The following MPPED2 variants were observed in gnomAD, a reference collection of about 807,000 sequenced individuals.
MPPED2 encodes metallophosphoesterase domain containing 2, also known as metallophosphoesterase MPPED2.
MPPED2 carries 5 observed loss-of-function variants against 33.0 expected under a neutral mutation model. The observed-to-expected ratio is 0.15, with a 90% CI of 0.08 to 0.32. The LOEUF is 0.32. Ranked by LOEUF, MPPED2 falls within the 10% of genes least tolerant of loss-of-function variation. The pLI, the probability that MPPED2 is intolerant of heterozygous loss-of-function variation, is 1.00. For synonymous variants in MPPED2, 136 were observed against 141.9 expected (o/e 0.96, Z 0.29); for missense variants, 275 against 372.1 (o/e 0.74, Z 2.15).
chr11:30,585,159 T>C (rs1957400643), intron 1 of MPPED2, among the ~76,000 whole-genome samples: 1 of 152,102 alleles, frequency 6.6e-6, no homozygotes, highest in Non-Finnish European at 1.5e-5. Context: ...AAAGATAACC[T>C]TGTTATACGT....
upstream of MPPED2, among the ~76,000 whole-genome samples, chr11:30,586,483 G>T (rs936149381): frequency 6.6e-6 from 1 of 151,926 alleles, no homozygotes; most frequent in Non-Finnish European, 1.5e-5. This position sits in a 1 kb window ranked among gnomAD's most constrained non-coding sequence, Gnocchi z 4.8. Context: ...CTGCCCACTC[G>T]GACCCCCACC....
At chr11:30,449,593 T>C (rs1416195466) in intron 4 of MPPED2, among the ~76,000 whole-genome samples, 4 of 151,062 alleles carry the variant, frequency 2.6e-5, no homozygotes, top group South Asian at 2.1e-4. Flanking sequence ...CAGTGAGCTA[T>C]GATCATGCCA....
chr11:30,586,449 C>T (rs943445644), upstream of MPPED2, among the ~76,000 whole-genome samples: 1 of 152,030 alleles, frequency 6.6e-6, no homozygotes, highest in Non-Finnish European at 1.5e-5. This position sits in a 1 kb window ranked among gnomAD's most constrained non-coding sequence, Gnocchi z 4.8. Flanking sequence ...GACCCCGCGC[C>T]CCTGCACGCC....
At chr11:30,387,683 T>G in exon 7 of MPPED2, 1 of 152,260 alleles carries the variant, frequency 6.6e-6, no homozygotes, top group African/African-American at 2.4e-5. Context: ...TTCTTTGAGG[T>G]TCTGTGGTGC....
At chr11:30,451,401 T>C (rs758772395) in intron 4 of MPPED2, among the ~76,000 whole-genome samples, 1 of 152,202 alleles carries the variant, frequency 6.6e-6, no homozygotes, top group East Asian at 1.9e-4. Context: ...CCCCTGCAGT[T>C]TGAAGTGAGA....
intron 4 of MPPED2, among the ~76,000 whole-genome samples, chr11:30,491,814 T>C (rs527977449): frequency 2.0e-5 from 3 of 152,342 alleles, no homozygotes; most frequent in South Asian, 4.1e-4. Flanking sequence ...CACAGTGAGA[T>C]CCAAACTACT....
At chr11:30,466,167 T>C (rs12799106) in intron 4 of MPPED2, among the ~76,000 whole-genome samples, 12,506 of 152,246 alleles carry the variant, frequency 0.082, 672 homozygotes, top group Non-Finnish European at 0.12. Context: ...AAATGAAAGG[T>C]ATTATTATTT....
chr11:30,456,806 C>A (rs1950300111), intron 4 of MPPED2, among the ~76,000 whole-genome samples: 1 of 152,110 alleles, frequency 6.6e-6, no homozygotes, highest in African/African-American at 2.4e-5. Context: ...ATATATAAGA[C>A]CCTTTACACT....
At chr11:30,455,948 A>G (rs1288859903) in intron 4 of MPPED2, among the ~76,000 whole-genome samples, 1 of 152,210 alleles carries the variant, frequency 6.6e-6, no homozygotes, top group African/African-American at 2.4e-5. Context: ...TCTAACACAG[A>G]CAGGACGCTG....
chr11:30,435,665 C>T (rs1259436659), intron 4 of MPPED2, among the ~76,000 whole-genome samples: 2 of 152,218 alleles, frequency 1.3e-5, no homozygotes, highest in Non-Finnish European at 2.9e-5. Context: ...TCATTCACAT[C>T]CCTTCCCTAG....
intron 4 of MPPED2, among the ~76,000 whole-genome samples, chr11:30,419,930 C>CTAAGGGCTAA (rs1948538723): frequency 6.6e-6 from 1 of 152,118 alleles, no homozygotes; most frequent in Non-Finnish European, 1.5e-5. Flanking sequence ...CTTCTAAGGG[C>CTAAGGGCTAA]CAATAAAATC....
At chr11:30,524,116 G>C (rs1010146012) in intron 3 of MPPED2, among the ~76,000 whole-genome samples, 1 of 152,028 alleles carries the variant, frequency 6.6e-6, no homozygotes, top group Non-Finnish European at 1.5e-5. Context: ...TCGGCATGAT[G>C]ACCAGTGCCT....
intron 4 of MPPED2, among the ~76,000 whole-genome samples, chr11:30,468,698 C>T (rs758873063): frequency 2.6e-5 from 4 of 152,154 alleles, no homozygotes; most frequent in Non-Finnish European, 4.4e-5. Flanking sequence ...GTGTGTAACA[C>T]AATCACACCA....
At chr11:30,530,167 A>G (rs1235350825) in intron 3 of MPPED2, among the ~76,000 whole-genome samples, 1 of 152,240 alleles carries the variant, frequency 6.6e-6, no homozygotes, top group Admixed American at 6.5e-5. Context: ...ATTTCTGCAC[A>G]GTATATAGGA....
At chr11:30,443,333 C>T (rs1458386845) in intron 4 of MPPED2, among the ~76,000 whole-genome samples, 1 of 152,134 alleles carries the variant, frequency 6.6e-6, no homozygotes, top group African/African-American at 2.4e-5. Flanking sequence ...GTATCAGTAT[C>T]TTCTGTTTTC....
Position 30,434,982 on chromosome 11 carries a change from A to G in MPPED2, c.537-17349T>C, listed in dbSNP as rs577834248. On this transcript the variant is annotated intron_variant, in intron 4 of 6. Coordinates refer to ENST00000358117, the MANE Select transcript of MPPED2 (RefSeq NM_001584.3). The stretch of plus-strand genomic sequence containing the variant: ...AGATTTGGTTGCCTTCAGAATCCCC[A>G]GTTTCAATATTTCTTCTTCTCCTTC... Among the ~76,000 whole-genome samples, 16 of 152,280 alleles carry G rather than the reference A, an allele frequency of 1.1e-4. No homozygotes were observed. The East Asian group carries it at 3.1e-3, about 29-fold the overall frequency.
At chr11:30,486,011 G>A (rs1951728296) in intron 4 of MPPED2, among the ~76,000 whole-genome samples, 1 of 152,196 alleles carries the variant, frequency 6.6e-6, no homozygotes, top group Non-Finnish European at 1.5e-5. Context: ...CTCTGCAGAT[G>A]TGGTGCTGGC....
At chr11:30,535,336 G>A (rs1056233738) in intron 3 of MPPED2, among the ~76,000 whole-genome samples, 4 of 151,988 alleles carry the variant, frequency 2.6e-5, no homozygotes, top group South Asian at 2.1e-4. Flanking sequence ...CTTTCCCTCC[G>A]CTAAGAGGAA....
chr11:30,425,639 C>T (rs1194221402), intron 4 of MPPED2: 1 of 152,130 alleles, frequency 6.6e-6, no homozygotes, highest in Admixed American at 6.5e-5. Flanking sequence ...TTGGACATGA[C>T]TTGGTGCTTA....
Sources: gnomAD v4.1 joint callset for allele counts (sites outside exome capture counted in the v4.1 genomes callset) on GRCh38, gnomAD v4.1.1 for gene constraint, Gnocchi (gnomAD v3.1) non-coding constraint, MANE v1.5 for transcripts, NCBI Gene and HGNC (gene_info 2026-07-23, HGNC 2026-07-21) for gene names.